GRAMD1A: variants seen among roughly 807,000 people sequenced by gnomAD.
GRAMD1A encodes protein Aster-A.
Under a neutral mutation model 92.0 loss-of-function variants are expected in GRAMD1A, and 50 were observed. The observed-to-expected ratio is 0.54, with a 90% CI of 0.43 to 0.69. The LOEUF (loss-of-function observed/expected upper bound fraction) is 0.69, where lower values mean the gene tolerates loss of function less well. Ranked by LOEUF, GRAMD1A falls within the 30% of genes least tolerant of loss-of-function variation. The pLI is 0.00. For missense variants in GRAMD1A, 819 were observed against 978.9 expected (o/e 0.84, Z 2.18); for synonymous variants, 405 against 403.6 (o/e 1.00, Z -0.04).
At chr19:35,011,413 C>T (rs2015228055) in intron 6 of GRAMD1A, 61 bp from the exon 7 acceptor site, 3 of 1,263,918 alleles carry the variant, frequency 2.4e-6, no homozygotes, top group South Asian at 2.4e-5. Flanking sequence ...GGCGCTTCCC[C>T]ACCTCTGTCC....
chr19:35,011,428 C>G (rs543995024), intron 6 of GRAMD1A, 46 bp from the exon 7 acceptor site: 8 of 1,443,440 alleles, frequency 5.5e-6, no homozygotes, highest in Non-Finnish European at 7.7e-6. Context: ...CTGTCCTGGT[C>G]GCTCCCCAAC....
chr19:35,010,734 G>A, intron 6 of GRAMD1A: 1 of 526,578 alleles, frequency 1.9e-6, no homozygotes, highest in Non-Finnish European at 3.3e-6. Flanking sequence ...TTTCTCACCA[G>A]CGGTCCAACA....
At position 35,014,242 on chromosome 19, in the gene GRAMD1A, C is replaced by A. The variant is rs1363298639; in HGVS notation, c.924C>A (p.Ser308Arg). The change falls in exon 10 of 20, where the codon AGC becomes AGA. Residue 308 changes from serine (S) to arginine (R), a missense_variant. By Grantham distance (110) the Ser-to-Arg change is moderately radical. Around this residue, in one of 3 missense-constraint regions of GRAMD1A, gnomAD observed 577 missense variants for 674.6 expected, o/e 0.86. Transcript: ENST00000317991. ...ACAGCCAGCCAGACGCCTCCTCCAG[C>A]CAGACAGTGACCCCGGTGGCTGAAC... is the stretch of plus-strand genomic sequence containing the variant. Reference protein sequence around the residue: ...QVDSQPDASSSQTVTPVAEPP... With the variant: ...QVDSQPDASSRQTVTPVAEPP... 3.1e-6 allele frequency: 5 copies of A among 1,614,038 alleles called. No homozygotes were observed. The highest frequency in any genetic ancestry group is 4.2e-6 in the Non-Finnish European group (5 of 1,180,034).
At position 35,010,052 on chromosome 19, in the gene GRAMD1A, G is replaced by T. The variant is rs371255760; in HGVS notation, c.326-40G>T. On this transcript the variant is annotated intron_variant, in intron 4 of 19. Coordinates refer to ENST00000317991, the MANE Select transcript of GRAMD1A (RefSeq NM_020895.5). ...AGCCCGCGGGCGCCGGCTGAGCCTC[G>T]TGACTTGGGTGTCCTCCTGTCTCTC... 9 of 1,529,846 alleles carry T rather than the reference G, an allele frequency of 5.9e-6. No individual in the cohort carries two copies. In the East Asian group the frequency reaches 2.0e-4, roughly 34 times the overall value. The allele number at this position is 1,529,846 out of a possible 1,614,324, so 94.8% of individuals were successfully genotyped here.
At chr19:35,003,161 TG>T (rs2014532777) in intron 1 of GRAMD1A, among the ~76,000 whole-genome samples, 1 of 150,934 alleles carries the variant, frequency 6.6e-6, no homozygotes, top group Non-Finnish European at 1.5e-5. Context: ...TGTGTGTGTG[TG>T]TGTGTGTGTG....
chr19:35,010,975 G>A (rs1401998235), intron 6 of GRAMD1A, among the ~76,000 whole-genome samples: 1 of 151,852 alleles, frequency 6.6e-6, no homozygotes, highest in Non-Finnish European at 1.5e-5. Flanking sequence ...GCACGCACCT[G>A]TAGTCCCAGC....
chr19:34,999,650 G>T (rs2014204043), upstream of GRAMD1A, among the ~76,000 whole-genome samples: 2 of 152,338 alleles, frequency 1.3e-5, no homozygotes, highest in South Asian at 2.1e-4. Flanking sequence ...GATTTTGCCC[G>T]TTCCTGCGCT....
chr19:35,000,167 C>T (rs1056414881), upstream of GRAMD1A: 7 of 1,007,910 alleles, frequency 6.9e-6, no homozygotes, highest in South Asian at 1.9e-4. This position sits in a 1 kb window ranked among gnomAD's most constrained non-coding sequence, Gnocchi z 4.9. Context: ...TTTCCCTTCT[C>T]TGTCCAGTCC....
Position 35,021,868 on chromosome 19 carries a change from C to T in GRAMD1A, c.1753+4C>T, listed in dbSNP as rs749535498. On this transcript the variant is annotated splice_donor_region_variant and intron_variant, in intron 15 of 19. Coordinates refer to ENST00000317991, the MANE Select transcript of GRAMD1A (RefSeq NM_020895.5). The surrounding 1 kb of genome is among the most constrained non-coding windows in gnomAD (Gnocchi z 5.3). Reference sequence around the variant, plus strand: ...CGGGCCGGCATTCACACCTCGGGTACGTTCCGTTGGGGCCGGGTTGGGGTA... The same window carrying T: ...CGGGCCGGCATTCACACCTCGGGTATGTTCCGTTGGGGCCGGGTTGGGGTA... The T allele has an allele frequency of 1.7e-5, 27 of 1,603,782 alleles. No individual in the cohort carries two copies. Among genetic ancestry groups the T allele is most frequent in the South Asian group, 1.0e-4 (9 of 89,758 alleles).
chr19:35,002,660 C>A (rs1000017153), intron 1 of GRAMD1A: 8 of 152,408 alleles, frequency 5.2e-5, no homozygotes, highest in African/African-American at 1.9e-4. Context: ...CTCGGCCTCC[C>A]AAAGTGCTGG....
At chr19:35,000,115 TAA>T (rs1161385869), upstream of GRAMD1A, 11 of 993,138 alleles carry the variant, frequency 1.1e-5, no homozygotes, top group Non-Finnish European at 1.3e-5. The surrounding 1 kb of genome is among the most constrained non-coding windows in gnomAD (Gnocchi z 4.9). Flanking sequence ...TTGGTTTTAA[TAA>T]AGTCTCTTTG....
upstream of GRAMD1A, among the ~76,000 whole-genome samples, chr19:34,997,134 G>A (rs1333820162): frequency 6.6e-6 from 1 of 151,888 alleles, no homozygotes; most frequent in Non-Finnish European, 1.5e-5. Flanking sequence ...GGCTGGTCTT[G>A]AACTCCTGAG....
chr19:35,006,030 TA>T (rs1290068266), intron 1 of GRAMD1A: 10 of 455,122 alleles, frequency 2.2e-5, no homozygotes, highest in Non-Finnish European at 3.5e-5. Context: ...TGCCTTGAAA[TA>T]AACCAAGCCC....
At chr19:35,005,442 G>A (rs1293314032) in intron 1 of GRAMD1A, among the ~76,000 whole-genome samples, 4 of 152,000 alleles carry the variant, frequency 2.6e-5, no homozygotes, top group East Asian at 3.9e-4. Flanking sequence ...CAGAGGCACC[G>A]ACCAAGGCGG....
chr19:35,009,443 TGTAA>T lies in GRAMD1A; in HGVS notation c.240+3_240+6del. The stretch of plus-strand genomic sequence containing the variant: ...TGCAGAAGATGCAGAGCTGGTACAG[TGTAA>T]GTGTCTGGGCAAGGGGCTTGCTGGA... On this transcript the variant is annotated splice_donor_variant and splice_donor_region_variant and intron_variant, in intron 3 of 19. Coordinates refer to ENST00000317991, the MANE Select transcript of GRAMD1A (RefSeq NM_020895.5). LOFTEE classifies it high-confidence loss of function. 2.5e-6 allele frequency: 4 copies of T among 1,613,578 alleles called. No homozygotes were observed. Among genetic ancestry groups the T allele is most frequent in the Non-Finnish European group, 2.5e-6 (3 of 1,179,928 alleles).
intron 6 of GRAMD1A, among the ~76,000 whole-genome samples, chr19:35,010,919 G>A (rs1480053647): frequency 6.6e-6 from 1 of 151,956 alleles, no homozygotes; most frequent in Admixed American, 6.6e-5. Context: ...GGGCAACATA[G>A]TGAGACCCTG....
chr19:35,023,086 G>A (rs758932204), intron 17 of GRAMD1A, 150 bp from the exon 18 acceptor site: 46 of 802,374 alleles, frequency 5.7e-5, no homozygotes, highest in Non-Finnish European at 9.3e-5. Context: ...GCTATGGACT[G>A]TGCAACCCTA....
At chr19:34,996,125 CA>C (rs2014025724), upstream of GRAMD1A, 3 of 1,536,116 alleles carry the variant, frequency 2.0e-6, no homozygotes, top group African/African-American at 2.7e-5. Context: ...GCAGCAGCCA[CA>C]GGGTGACAGG....
chr19:35,014,327 C>T lies in GRAMD1A; in HGVS notation c.1009C>T (p.Leu337=). The change falls in exon 10 of 20, where the codon CTG becomes TTG. Residue 337 remains leucine, a synonymous_variant. Transcript: ENST00000317991. The part of the protein sequence containing the change: ...GPTTLGPLDL[L]PSEELLTDTS... ...CACCACCCTGGGCCCCTTGGATCTG[C>T]TGCCCAGTGAGGAGCTATTGACAGA... 6.2e-7 allele frequency: 1 copy of T among 1,614,170 alleles called. No homozygotes were observed. The highest frequency in any genetic ancestry group is 8.5e-7 in the Non-Finnish European group (1 of 1,179,994).
Sources: allele counts gnomAD v4.1 joint callset (sites outside exome capture counted in the v4.1 genomes callset), GRCh38; gene constraint gnomAD v4.1.1; regional missense constraint gnomAD v4.1.1; non-coding constraint Gnocchi (gnomAD v3.1); transcripts MANE v1.5; gene names NCBI Gene and HGNC (gene_info 2026-07-23, HGNC 2026-07-21).